The following MTUS2 variants were observed in gnomAD, a reference collection of about 807,000 sequenced individuals.
MTUS2 encodes microtubule associated scaffold protein 2, also known as microtubule-associated tumor suppressor candidate 2.
In MTUS2, 40 loss-of-function variants were observed where a neutral mutation model predicts 114.1. That is an observed-to-expected ratio of 0.35 (90% CI 0.27 to 0.46). MTUS2 has a LOEUF of 0.46. MTUS2 is among the 20% of genes least tolerant of loss of function. The pLI is 1.00. For missense variants in MTUS2, 1,679 were observed against 1,705.4 expected (o/e 0.98, Z 0.27); for synonymous variants, 688 against 672.0 (o/e 1.02, Z -0.37).
chr13:29,012,565 A>G (rs1417319972), intron 2 of MTUS2, among the ~76,000 whole-genome samples: 1 of 152,190 alleles, frequency 6.6e-6, no homozygotes, highest in East Asian at 1.9e-4. Flanking sequence ...ACTACTTAGA[A>G]AGAGATATGC....
At chr13:28,841,923 G>A (rs1166851982) in intron 2 of MTUS2, among the ~76,000 whole-genome samples, 3 of 152,202 alleles carry the variant, frequency 2.0e-5, no homozygotes, top group African/African-American at 7.2e-5. Context: ...TTGACCTCAT[G>A]ATCTGCCCGC....
chr13:29,258,406 A>G (rs1201716265), intron 5 of MTUS2, among the ~76,000 whole-genome samples: 1 of 152,220 alleles, frequency 6.6e-6, no homozygotes, highest in Non-Finnish European at 1.5e-5. Context: ...TGTGCTTTTC[A>G]AGGACTCATG....
rs895425526 is a variant in MTUS2, at chr13:29,503,593, G to T, written c.*387G>T. The T allele has an allele frequency of 3.7e-6, 1 of 269,200 alleles. No homozygotes were observed. Among genetic ancestry groups the T allele is most frequent in the Non-Finnish European group, 7.1e-6 (1 of 140,092 alleles). The allele number at this position is 269,200 out of a possible 1,614,324, so 16.7% of individuals were successfully genotyped here. A position where few individuals can be genotyped will look rare whatever the true frequency, so the allele number is the denominator to read the frequency against. On this transcript the variant is annotated 3_prime_UTR_variant, in exon 16 of 16. Coordinates refer to ENST00000612955, the MANE Select transcript of MTUS2 (RefSeq NM_001033602.4). ...AGATATACGTATATACACATGCTGC[G>T]GTTCTGAATTTCATTTTTTATAACA...
intron 8 of MTUS2, among the ~76,000 whole-genome samples, chr13:29,407,485 T>TATTTA (rs1566184126): frequency 7.2e-6 from 1 of 138,708 alleles, no homozygotes; most frequent in Non-Finnish European, 1.6e-5. Context: ...TTTATTTATT[T>TATTTA]ATTTATTTTG....
intron 2 of MTUS2, among the ~76,000 whole-genome samples, chr13:28,997,465 G>T (rs148827801): frequency 6.6e-6 from 1 of 152,166 alleles, no homozygotes; most frequent in Admixed American, 6.5e-5. Flanking sequence ...CTGTCTCGTT[G>T]ATCTGTCTAA....
intron 6 of MTUS2, among the ~76,000 whole-genome samples, chr13:29,320,958 A>C (rs1900227643): frequency 1.3e-5 from 2 of 152,208 alleles, no homozygotes; most frequent in South Asian, 4.1e-4. Context: ...GACTGGGAGG[A>C]CAATTGACTA....
At chr13:29,010,210 CAA>C (rs71658973) in intron 2 of MTUS2, among the ~76,000 whole-genome samples, 14 of 116,396 alleles carry the variant, frequency 1.2e-4, no homozygotes, top group Admixed American at 1.8e-4. Flanking sequence ...GACTCCGTCT[CAA>C]AAAAAAAAAA....
intron 2 of MTUS2, among the ~76,000 whole-genome samples, chr13:28,862,577 C>T (rs996219730): frequency 2.0e-5 from 3 of 152,238 alleles, no homozygotes; most frequent in African/African-American, 7.2e-5. Flanking sequence ...TGTGCCACTG[C>T]ACTCCGGCCT....
chr13:29,501,962 TCA>T (rs1462580902), intron 15 of MTUS2, among the ~76,000 whole-genome samples: 5 of 152,224 alleles, frequency 3.3e-5, no homozygotes, highest in East Asian at 1.9e-4. Flanking sequence ...GTTTGCACAC[TCA>T]CACGTGCATG....
At chr13:29,206,133 G>A (rs1387084312) in intron 5 of MTUS2, among the ~76,000 whole-genome samples, 3 of 152,102 alleles carry the variant, frequency 2.0e-5, no homozygotes, top group African/African-American at 7.2e-5. Context: ...TTGCATTATG[G>A]TTTTTATTTG....
At chr13:29,217,368 T>A (rs1418178896) in intron 5 of MTUS2, among the ~76,000 whole-genome samples, 2 of 152,230 alleles carry the variant, frequency 1.3e-5, no homozygotes, top group Non-Finnish European at 2.9e-5. Context: ...TACTGCAGAT[T>A]CTGTTTCAAA....
At chr13:29,450,021 G>T (rs58638267) in intron 9 of MTUS2, among the ~76,000 whole-genome samples, 13 of 152,164 alleles carry the variant, frequency 8.5e-5, no homozygotes, top group African/African-American at 2.9e-4. Context: ...CAAGGTGGAG[G>T]ACCATGATGC....
chr13:28,911,076 C>T (rs1211099616), intron 2 of MTUS2, among the ~76,000 whole-genome samples: 7 of 150,340 alleles, frequency 4.7e-5, no homozygotes, highest in South Asian at 2.1e-4. Flanking sequence ...GGGGTTTCAC[C>T]GTGTTATCCA....
chr13:29,311,430 T>C (rs1284852427), intron 6 of MTUS2, among the ~76,000 whole-genome samples: 1 of 152,180 alleles, frequency 6.6e-6, no homozygotes, highest in Non-Finnish European at 1.5e-5. Context: ...TAAAACTATA[T>C]TATAGTAGTT....
chr13:28,845,447 G>T (rs1290662565), intron 2 of MTUS2, among the ~76,000 whole-genome samples: 1 of 152,180 alleles, frequency 6.6e-6, no homozygotes, highest in Non-Finnish European at 1.5e-5. Flanking sequence ...CTGGGAAGTA[G>T]AATTCTTTTT....
chr13:29,148,206 T>C (rs1163669383), intron 5 of MTUS2, among the ~76,000 whole-genome samples: 2 of 152,090 alleles, frequency 1.3e-5, no homozygotes, highest in African/African-American at 4.8e-5. Flanking sequence ...TGAGCTTTTT[T>C]TTTTTTTCAT....
intron 9 of MTUS2, among the ~76,000 whole-genome samples, chr13:29,445,149 A>G (rs1878186484): frequency 6.6e-6 from 1 of 152,202 alleles, no homozygotes; most frequent in Non-Finnish European, 1.5e-5. Context: ...ATAATCTCCA[A>G]TAGTTTTTAA....
intron 6 of MTUS2, among the ~76,000 whole-genome samples, chr13:29,310,406 T>C (rs556935931): frequency 6.6e-6 from 1 of 152,372 alleles, no homozygotes; most frequent in African/African-American, 2.4e-5. Flanking sequence ...TTCTACTTTT[T>C]AGTGGCTACT....
At position 28,910,214 on chromosome 13, in the gene MTUS2, ACT is replaced by A. The variant is rs1400645218; in HGVS notation, c.-243+70369_-243+70370del. ...CCCAGCCTCTGGTAACCATCTTTCT[ACT>A]CTCTATTTCCACAGGTTTAATTGTT... On this transcript the variant is annotated intron_variant, in intron 2 of 15. Transcript: ENST00000612955. 4.0e-5 allele frequency among the ~76,000 whole-genome samples: 6 copies of A among 151,278 alleles called. No homozygotes were observed. In the East Asian group the frequency reaches 1.2e-3, roughly 29 times the overall value.
Sources: allele counts gnomAD v4.1 joint callset (sites outside exome capture counted in the v4.1 genomes callset), GRCh38; gene constraint gnomAD v4.1.1; transcripts MANE v1.5; gene names NCBI Gene and HGNC (gene_info 2026-07-23, HGNC 2026-07-21).